The following NRG1 variants were observed in gnomAD, a reference collection of about 807,000 sequenced individuals.
NRG1 encodes neuregulin 1.
A neutral mutation model predicts 63.8 loss-of-function variants in NRG1; 18 were observed. That is an observed-to-expected ratio of 0.28 (90% CI 0.19 to 0.42). The LOEUF (loss-of-function observed/expected upper bound fraction) is 0.42, where lower values mean the gene tolerates loss of function less well. Ranked by LOEUF, NRG1 falls within the 10% of genes least tolerant of loss-of-function variation. The pLI is 1.00. For missense variants in NRG1, 762 were observed against 814.7 expected, an observed-to-expected ratio of 0.94 and a Z score of 0.79; for synonymous variants, 302 against 301.3, an observed-to-expected ratio of 1.00 and a Z score of -0.02.
At chr8:32,506,076 C>G (rs1828484065) in intron 1 of NRG1, among the ~76,000 whole-genome samples, 1 of 151,894 alleles carries the variant, frequency 6.6e-6, no homozygotes, top group South Asian at 2.1e-4. Flanking sequence ...ATAGCAAGAC[C>G]CTGTCTCTAA....
intron 1 of NRG1, among the ~76,000 whole-genome samples, chr8:31,944,320 C>T (rs1040755786): frequency 7.2e-5 from 11 of 152,090 alleles, no homozygotes; most frequent in East Asian, 3.9e-4. Flanking sequence ...TTGTATGAAT[C>T]ACTCGTGTTG....
intron 1 of NRG1, among the ~76,000 whole-genome samples, chr8:31,925,432 C>T (rs991663950): frequency 1.3e-5 from 2 of 151,728 alleles, no homozygotes; most frequent in Non-Finnish European, 2.9e-5. Flanking sequence ...CATGTAAACC[C>T]GATGTAGTTA....
chr8:32,541,213 A>G (rs1384109416), intron 1 of NRG1, among the ~76,000 whole-genome samples: 1 of 152,170 alleles, frequency 6.6e-6, no homozygotes, highest in Admixed American at 6.5e-5. Context: ...AAAAATCCCT[A>G]GTTAAGTCAG....
intron 1 of NRG1, among the ~76,000 whole-genome samples, chr8:32,372,008 T>TTTA (rs1808945752): frequency 7.7e-6 from 1 of 129,214 alleles, no homozygotes; most frequent in Non-Finnish European, 1.8e-5. Flanking sequence ...TTTTTTTTTT[T>TTTA]AAAAGGGTTG....
intron 1 of NRG1, among the ~76,000 whole-genome samples, chr8:32,529,887 T>G (rs1831264923): frequency 1.3e-5 from 2 of 152,166 alleles, no homozygotes; most frequent in Admixed American, 1.3e-4. Context: ...AGGAGTGCAC[T>G]TAAAAGAACA....
At chr8:32,393,250 G>A (rs759693155) in intron 1 of NRG1, among the ~76,000 whole-genome samples, 3 of 152,128 alleles carry the variant, frequency 2.0e-5, no homozygotes, top group Non-Finnish European at 4.4e-5. Flanking sequence ...CAGGGAATGA[G>A]ACTTTTGTAT....
intron 1 of NRG1, among the ~76,000 whole-genome samples, chr8:31,945,665 C>T (rs929936417): frequency 4.6e-5 from 7 of 152,300 alleles, no homozygotes; most frequent in African/African-American, 1.2e-4. Flanking sequence ...GCTGTCTAGC[C>T]GCAGCTCCCT....
intron 8 of NRG1, 77 bp from the exon 9 acceptor site, chr8:32,756,326 T>A (rs1414526334): frequency 6.5e-7 from 1 of 1,535,688 alleles, no homozygotes; most frequent in African/African-American, 1.4e-5. Flanking sequence ...TCATAGGTGT[T>A]GGTAGAATAA....
rs548153291 is a variant in NRG1 at position 31,855,196 on chromosome 8, A to G, written c.37+215765A>G. On this transcript the variant is annotated intron_variant, in intron 1 of 10. Transcript: ENST00000519301. Reference sequence around the variant, plus strand: ...GACTTTCTGTCTCGTTGATCTGTCTAATGTTAACAGTGGGGTGTTAAAGTC... The same window carrying G: ...GACTTTCTGTCTCGTTGATCTGTCTGATGTTAACAGTGGGGTGTTAAAGTC... Among the ~76,000 whole-genome samples the G allele has an allele frequency of 1.1e-4, 17 of 152,204 alleles. No individual in the cohort carries two copies. The South Asian group carries it at 3.3e-3, about 30-fold the overall frequency.
chr8:32,469,470 C>A (rs1309192118), intron 1 of NRG1, among the ~76,000 whole-genome samples: 1 of 152,064 alleles, frequency 6.6e-6, no homozygotes, highest in Non-Finnish European at 1.5e-5. Flanking sequence ...CAGGCTGTAG[C>A]AGGGTTATTA....
intron 1 of NRG1, among the ~76,000 whole-genome samples, chr8:31,720,898 T>C (rs1812845933): frequency 6.6e-6 from 1 of 152,190 alleles, no homozygotes. Flanking sequence ...GCTTCATGGA[T>C]AAACAGAGGC....
chr8:32,531,024 G>C (rs906553415), intron 1 of NRG1, among the ~76,000 whole-genome samples: 2 of 152,124 alleles, frequency 1.3e-5, no homozygotes, highest in African/African-American at 2.4e-5. Context: ...CTTGAACCTG[G>C]GAGGCAGAGG....
chr8:31,820,694 C>G (rs1255087723), intron 1 of NRG1, among the ~76,000 whole-genome samples: 2 of 152,012 alleles, frequency 1.3e-5, no homozygotes, highest in African/African-American at 4.8e-5. Flanking sequence ...AACCAATTAG[C>G]AAATAAAAAA....
chr8:32,562,851 T>C (rs1447143534), intron 1 of NRG1, among the ~76,000 whole-genome samples: 1 of 152,182 alleles, frequency 6.6e-6, no homozygotes, highest in African/African-American at 2.4e-5. Flanking sequence ...TGGGCAATCA[T>C]TTAAAGTATC....
chr8:32,098,893 C>T (rs1469923577), intron 1 of NRG1: 1 of 152,168 alleles, frequency 6.6e-6, no homozygotes, highest in Non-Finnish European at 1.5e-5. Flanking sequence ...CATGGGTAGC[C>T]ATAGGACCTC....
At chr8:31,709,917 C>G (rs114518043) in intron 1 of NRG1, among the ~76,000 whole-genome samples, 9 of 151,388 alleles carry the variant, frequency 5.9e-5, no homozygotes, top group Non-Finnish European at 4.4e-5. Flanking sequence ...TATTTTTTCC[C>G]TAACTCCATA....
intron 5 of NRG1, chr8:32,647,637 A>T: frequency 6.7e-7 from 1 of 1,489,652 alleles, no homozygotes; most frequent in South Asian, 1.4e-5. Flanking sequence ...CCCCTGTAAG[A>T]TGCTGTATCA....
At chr8:32,327,563 C>G (rs1802156848) in intron 1 of NRG1, among the ~76,000 whole-genome samples, 1 of 152,164 alleles carries the variant, frequency 6.6e-6, no homozygotes, top group East Asian at 1.9e-4. Context: ...AAGATTGTCC[C>G]ATATAAGTTA....
At chr8:31,955,331 A>G (rs1001351638) in intron 1 of NRG1, among the ~76,000 whole-genome samples, 4 of 152,234 alleles carry the variant, frequency 2.6e-5, no homozygotes, top group Non-Finnish European at 5.9e-5. Flanking sequence ...GAAACACTGA[A>G]AGATATTTCT....
Sources: allele counts gnomAD v4.1 joint callset (sites outside exome capture counted in the v4.1 genomes callset), GRCh38; gene constraint gnomAD v4.1.1; transcripts MANE v1.5; gene names NCBI Gene and HGNC (gene_info 2026-07-23, HGNC 2026-07-21).